The following NRG3 variants were observed in gnomAD, a reference collection of about 807,000 sequenced individuals.
The protein encoded by NRG3 is neuregulin 3.
A neutral mutation model predicts 66.9 loss-of-function variants in NRG3; 31 were observed. The observed-to-expected ratio is 0.46, with a 90% CI of 0.35 to 0.63. NRG3 has a LOEUF of 0.63. NRG3 is among the 20% of genes least tolerant of loss of function. NRG3 has a pLI of 0.00. For synonymous variants in NRG3, 393 were observed against 359.4 expected, an observed-to-expected ratio of 1.09 and a Z score of -1.06; for missense variants, 910 against 878.9, an observed-to-expected ratio of 1.04 and a Z score of -0.45.
intron 4 of NRG3, among the ~76,000 whole-genome samples, chr10:82,920,987 C>T (rs982769130): frequency 5.3e-5 from 8 of 151,676 alleles, no homozygotes; most frequent in Admixed American, 6.6e-5. Flanking sequence ...TGAGATGAAA[C>T]GTAACTTCTT....
chr10:82,038,355 T>C (rs1314480429), intron 1 of NRG3, among the ~76,000 whole-genome samples: 1 of 152,164 alleles, frequency 6.6e-6, no homozygotes, highest in Non-Finnish European at 1.5e-5. Flanking sequence ...CACCAGGCTG[T>C]ATCTAACCCT....
At chr10:82,623,827 T>C (rs2049215351) in intron 2 of NRG3, among the ~76,000 whole-genome samples, 1 of 152,126 alleles carries the variant, frequency 6.6e-6, no homozygotes, top group African/African-American at 2.4e-5. Flanking sequence ...CCAAAACAAC[T>C]CATTCTATGC....
chr10:82,574,065 C>CA (rs1310755050), intron 2 of NRG3, among the ~76,000 whole-genome samples: 1 of 151,574 alleles, frequency 6.6e-6, no homozygotes, highest in Admixed American at 6.6e-5. Context: ...ATCAAAATAC[C>CA]AAAAAGATAC....
intron 1 of NRG3, among the ~76,000 whole-genome samples, chr10:81,996,532 G>T (rs7069550): frequency 0.36 from 54,990 of 151,920 alleles, 11,225 homozygotes; most frequent in East Asian, 0.77. Context: ...ACATATTTTT[G>T]CCAATTGGTC....
intron 1 of NRG3, among the ~76,000 whole-genome samples, chr10:81,905,077 T>C (rs1192635062): frequency 6.6e-6 from 1 of 152,200 alleles, no homozygotes; most frequent in African/African-American, 2.4e-5. Context: ...ATATAATTCA[T>C]GAATTTAGCA....
At chr10:82,268,688 G>T (rs1054654793) in intron 1 of NRG3, among the ~76,000 whole-genome samples, 5 of 152,024 alleles carry the variant, frequency 3.3e-5, no homozygotes, top group African/African-American at 9.7e-5. Context: ...AGCTGAGTGG[G>T]TTTAGTTATG....
intron 3 of NRG3, among the ~76,000 whole-genome samples, chr10:82,816,774 G>A (rs537096271): frequency 6.6e-6 from 1 of 152,292 alleles, no homozygotes; most frequent in Admixed American, 6.5e-5. Flanking sequence ...GCTCCCAGCT[G>A]TTCCAGGCTC....
intron 1 of NRG3, among the ~76,000 whole-genome samples, chr10:82,174,904 A>G (rs912928579): frequency 5.9e-5 from 9 of 152,138 alleles, no homozygotes; most frequent in Non-Finnish European, 1.0e-4. Flanking sequence ...TTTAAGCCCC[A>G]TGGATTAATT....
rs35732700 is a variant in NRG3 at position 82,772,302 on chromosome 10, TTTCATTCA to T, written c.1027+33682_1027+33689del. Among the ~76,000 whole-genome samples, 260 of 150,628 alleles carry T rather than the reference TTTCATTCA, an allele frequency of 1.7e-3. 1 individual carries two copies. Among genetic ancestry groups the T allele is most frequent in the East Asian group, 3.0e-3 (15 of 5,052 alleles). On this transcript the variant is annotated intron_variant, in intron 3 of 8. Transcript: ENST00000372141. ...AGGAGTCAGAAAACATATAGTTACT[TTTCATTCA>T]TTCATTCATTCATTCATTCATTCAT...
chr10:82,587,124 C>T (rs559622436), intron 2 of NRG3, among the ~76,000 whole-genome samples: 1 of 152,150 alleles, frequency 6.6e-6, no homozygotes, highest in Non-Finnish European at 1.5e-5. Flanking sequence ...CATTGTCTCA[C>T]AAGTATATCA....
At chr10:82,339,449 G>A (rs1235997868) in intron 1 of NRG3, among the ~76,000 whole-genome samples, 2 of 152,198 alleles carry the variant, frequency 1.3e-5, no homozygotes, top group East Asian at 3.9e-4. Flanking sequence ...AACGCCAGAG[G>A]CTTATAAAAC....
At chr10:82,645,187 G>A (rs1431513732) in intron 2 of NRG3, among the ~76,000 whole-genome samples, 1 of 152,000 alleles carries the variant, frequency 6.6e-6, no homozygotes, top group Non-Finnish European at 1.5e-5. Context: ...AGATACCCTT[G>A]AAAATATCTC....
intron 1 of NRG3, among the ~76,000 whole-genome samples, chr10:82,064,098 G>A (rs1349523151): frequency 1.3e-5 from 2 of 152,084 alleles, no homozygotes; most frequent in Non-Finnish European, 2.9e-5. Context: ...TTAAAGATAG[G>A]GAAACAACAT....
At chr10:82,484,652 C>A (rs1223215288) in intron 2 of NRG3, among the ~76,000 whole-genome samples, 1 of 152,222 alleles carries the variant, frequency 6.6e-6, no homozygotes, top group Non-Finnish European at 1.5e-5. Context: ...GTGGTCCCTG[C>A]TCTTTAGCAT....
At chr10:82,783,119 CAATA>C (rs1263626642) in intron 3 of NRG3, among the ~76,000 whole-genome samples, 1 of 152,178 alleles carries the variant, frequency 6.6e-6, no homozygotes, top group African/African-American at 2.4e-5. Flanking sequence ...ACGACTATCT[CAATA>C]GATACAGAAA....
rs190291019 is a variant in NRG3 at position 82,247,118 on chromosome 10, C to A, written c.824-111621C>A. Among the ~76,000 whole-genome samples the A allele has an allele frequency of 3.2e-4, 48 of 152,250 alleles. 1 individual carries two copies. In the East Asian group the frequency reaches 6.6e-3, roughly 21 times the overall value. On this transcript the variant is annotated intron_variant, in intron 1 of 8. Coordinates refer to ENST00000372141, the MANE Select transcript of NRG3 (RefSeq NM_001010848.4). ...GGGAAACATTGTTCTCCTCAGCAAA[C>A]CTGGTCTAACATGTCTGCCAATCCA... is the stretch of plus-strand genomic sequence containing the variant.
At chr10:82,952,706 A>G (rs927048517) in intron 5 of NRG3, among the ~76,000 whole-genome samples, 1 of 151,706 alleles carries the variant, frequency 6.6e-6, no homozygotes, top group African/African-American at 2.4e-5. Context: ...TGGACCTATA[A>G]TTTTTTACCA....
At chr10:82,209,840 C>T (rs1003008152) in intron 1 of NRG3, among the ~76,000 whole-genome samples, 3 of 152,124 alleles carry the variant, frequency 2.0e-5, no homozygotes, top group African/African-American at 7.2e-5. Flanking sequence ...TCTGTGTAAG[C>T]TGCAGCTTCA....
At chr10:82,367,527 A>G (rs1432288038) in intron 2 of NRG3, among the ~76,000 whole-genome samples, 2 of 152,130 alleles carry the variant, frequency 1.3e-5, no homozygotes, top group African/African-American at 2.4e-5. Context: ...TTTAATTTTA[A>G]AAAGATAAAA....
Sources: gnomAD v4.1 joint callset for allele counts (sites outside exome capture counted in the v4.1 genomes callset) on GRCh38, gnomAD v4.1.1 for gene constraint, MANE v1.5 for transcripts, NCBI Gene and HGNC (gene_info 2026-07-23, HGNC 2026-07-21) for gene names.